CACNA1E: variants seen among roughly 807,000 people sequenced by gnomAD.
The protein encoded by CACNA1E is calcium voltage-gated channel subunit alpha1 E.
Under a neutral mutation model 259.2 loss-of-function variants are expected in CACNA1E, and 40 were observed. That is an observed-to-expected ratio of 0.15 (90% CI 0.12 to 0.20). The LOEUF (loss-of-function observed/expected upper bound fraction) is 0.20. Among genes scored for constraint, CACNA1E ranks in the 10% least tolerant of loss-of-function variants. The pLI, the probability that CACNA1E is intolerant of heterozygous loss-of-function variation, is 1.00. For missense variants in CACNA1E, 1,874 were observed against 3,040.1 expected (o/e 0.62, Z 9.02); for synonymous variants, 1,104 against 1,138.5 (o/e 0.97, Z 0.61).
chr1:181,579,020 C>T (rs1344905601), intron 4 of CACNA1E, 52 bp from the exon 5 acceptor site: 2 of 1,468,778 alleles, frequency 1.4e-6, no homozygotes, highest in African/African-American at 2.8e-5. Flanking sequence ...CCTCCCCTAT[C>T]AGATGGTGCT....
At chr1:181,382,742 G>A (rs1183291279) in intron 1 of CACNA1E, among the ~76,000 whole-genome samples, 1 of 152,156 alleles carries the variant, frequency 6.6e-6, no homozygotes, top group Non-Finnish European at 1.5e-5. Context: ...CTTCCCGTGT[G>A]CTTCATAATC....
chr1:181,772,509 G>GAT (rs1208019086), intron 37 of CACNA1E, among the ~76,000 whole-genome samples: 1 of 152,206 alleles, frequency 6.6e-6, no homozygotes, highest in Admixed American at 6.5e-5. Context: ...TCTAGGGAAA[G>GAT]ATTGTTGTGA....
At chr1:181,665,833 A>G (rs1343808517) in intron 7 of CACNA1E, among the ~76,000 whole-genome samples, 1 of 152,178 alleles carries the variant, frequency 6.6e-6, no homozygotes, top group African/African-American at 2.4e-5. Flanking sequence ...GTCTGCTACT[A>G]AGCTCCGAAG....
intron 3 of CACNA1E, among the ~76,000 whole-genome samples, chr1:181,569,321 C>T (rs1043514333): frequency 6.6e-6 from 1 of 152,124 alleles, no homozygotes; most frequent in African/African-American, 2.4e-5. Flanking sequence ...ATCAAGGGGC[C>T]CCGGCAGAGT....
intron 3 of CACNA1E, among the ~76,000 whole-genome samples, chr1:181,576,432 G>A (rs532534102): frequency 2.0e-5 from 3 of 152,324 alleles, no homozygotes; most frequent in African/African-American, 7.2e-5. Flanking sequence ...GTCCTGGTCT[G>A]TATGATTTGT....
intron 6 of CACNA1E, among the ~76,000 whole-genome samples, chr1:181,602,660 A>G (rs1000865983): frequency 2.6e-5 from 4 of 152,178 alleles, no homozygotes; most frequent in East Asian, 1.9e-4. Flanking sequence ...CCCTTTGGTG[A>G]CAAGTGGGCT....
chr1:181,691,714 A>G (rs1246071382), intron 7 of CACNA1E, among the ~76,000 whole-genome samples: 3 of 152,208 alleles, frequency 2.0e-5, no homozygotes, highest in Non-Finnish European at 4.4e-5. Flanking sequence ...CCAACATCAT[A>G]CTGAATGGGC....
chr1:181,322,346 GTCC>G (rs1650424226), intron 1 of CACNA1E, among the ~76,000 whole-genome samples: 1 of 152,202 alleles, frequency 6.6e-6, no homozygotes, highest in Non-Finnish European at 1.5e-5. Context: ...CATGGTCTTT[GTCC>G]TCCTGGTGCT....
chr1:181,726,245 G>C, intron 18 of CACNA1E, 83 bp downstream of exon 18: 1 of 954,952 alleles, frequency 1.0e-6, no homozygotes, highest in Non-Finnish European at 1.6e-6. Context: ...TTGGTTATAG[G>C]AGTGTACCTA....
chr1:181,692,517 A>C (rs1256109307), intron 7 of CACNA1E, among the ~76,000 whole-genome samples: 1 of 152,206 alleles, frequency 6.6e-6, no homozygotes, highest in Non-Finnish European at 1.5e-5. Flanking sequence ...CAGCCATCTG[A>C]TCTTCAACAA....
intron 7 of CACNA1E, among the ~76,000 whole-genome samples, chr1:181,697,708 T>TA (rs1329912641): frequency 2.0e-5 from 3 of 152,270 alleles, no homozygotes; most frequent in Admixed American, 2.0e-4. Flanking sequence ...TTTTTATTCT[T>TA]ACATTTGGTA....
chr1:181,788,854 A>G (rs1661061885), intron 43 of CACNA1E, among the ~76,000 whole-genome samples: 1 of 152,206 alleles, frequency 6.6e-6, no homozygotes, highest in African/African-American at 2.4e-5. Context: ...TACTCTCTGT[A>G]GGACAAAAAG....
intron 7 of CACNA1E, among the ~76,000 whole-genome samples, chr1:181,678,935 T>G (rs1473303416): frequency 6.6e-6 from 1 of 152,240 alleles, no homozygotes; most frequent in South Asian, 2.1e-4. Context: ...ACATGAATTT[T>G]CTATTATTCA....
chr1:181,754,013 A>G (rs1384392995), intron 27 of CACNA1E, among the ~76,000 whole-genome samples: 1 of 151,990 alleles, frequency 6.6e-6, no homozygotes, highest in Non-Finnish European at 1.5e-5. Flanking sequence ...ACTTCTCACA[A>G]TGTCAGCTGT....
At chr1:181,774,329 C>CTGAT (rs1038762244) in intron 37 of CACNA1E, among the ~76,000 whole-genome samples, 1 of 152,210 alleles carries the variant, frequency 6.6e-6, no homozygotes, top group African/African-American at 2.4e-5. Context: ...AGGGTCCTGC[C>CTGAT]TGATAGGTAG....
intron 24 of CACNA1E, among the ~76,000 whole-genome samples, chr1:181,738,856 G>A (rs1656302881): frequency 6.6e-6 from 1 of 152,212 alleles, no homozygotes; most frequent in Admixed American, 6.5e-5. Context: ...TTACCCATCT[G>A]TGCATATGTG....
chr1:181,471,987 A>G (rs1662539952), intron 2 of CACNA1E, among the ~76,000 whole-genome samples: 1 of 152,172 alleles, frequency 6.6e-6, no homozygotes, highest in African/African-American at 2.4e-5. Context: ...AATAACTAGG[A>G]TATGGAAAAA....
chr1:181,456,202 C>T (rs557774904), intron 2 of CACNA1E, among the ~76,000 whole-genome samples: 5 of 152,154 alleles, frequency 3.3e-5, no homozygotes, highest in South Asian at 4.2e-4. Context: ...GAGGAGGAAA[C>T]TGAAAAGAGT....
chr1:181,524,006 T>A (rs773276090), intron 3 of CACNA1E, among the ~76,000 whole-genome samples: 1 of 152,246 alleles, frequency 6.6e-6, no homozygotes, highest in Non-Finnish European at 1.5e-5. Context: ...AGCAAGCAGC[T>A]GTCATCCTTT....
Sources: allele counts gnomAD v4.1 joint callset (sites outside exome capture counted in the v4.1 genomes callset), GRCh38; gene constraint gnomAD v4.1.1; transcripts MANE v1.5; gene names NCBI Gene and HGNC (gene_info 2026-07-23, HGNC 2026-07-21).